The following FRMD3 variants were observed in gnomAD, a reference collection of about 807,000 sequenced individuals.
The protein encoded by FRMD3 is FERM domain-containing protein 3.
Under a neutral mutation model 70.2 loss-of-function variants are expected in FRMD3, and 33 were observed. The observed-to-expected ratio is 0.47, with a 90% CI of 0.36 to 0.63. FRMD3 has a LOEUF of 0.63. FRMD3 is among the 20% of genes least tolerant of loss of function. The pLI is 0.00. For missense variants in FRMD3, 632 were observed against 711.4 expected (o/e 0.89, Z 1.27); for synonymous variants, 279 against 255.9 (o/e 1.09, Z -0.86).
chr9:83,250,636 T>C (rs1832361485), intron 13 of FRMD3, among the ~76,000 whole-genome samples: 2 of 152,170 alleles, frequency 1.3e-5, no homozygotes, highest in African/African-American at 4.8e-5. Flanking sequence ...GGCTACCATC[T>C]ATGCAGCTTA....
intron 1 of FRMD3, among the ~76,000 whole-genome samples, chr9:83,495,528 G>T (rs887883779): frequency 1.3e-4 from 20 of 152,174 alleles, no homozygotes; most frequent in Admixed American, 1.3e-3. Context: ...AATAGAAAGG[G>T]GGTAGCTGTC....
intron 2 of FRMD3, among the ~76,000 whole-genome samples, chr9:83,386,486 C>T (rs1413118071): frequency 2.0e-5 from 3 of 152,120 alleles, no homozygotes; most frequent in Non-Finnish European, 4.4e-5. Flanking sequence ...GAACAATAAA[C>T]AACCTAAAGA....
At chr9:83,451,372 G>C (rs1000907744) in intron 1 of FRMD3, among the ~76,000 whole-genome samples, 30 of 132,084 alleles carry the variant, frequency 2.3e-4, no homozygotes, top group African/African-American at 8.4e-4. Flanking sequence ...ACACACACAA[G>C]CACACAAATA....
intron 1 of FRMD3, among the ~76,000 whole-genome samples, chr9:83,495,340 G>A (rs553136013): frequency 2.0e-5 from 3 of 152,196 alleles, no homozygotes; most frequent in African/African-American, 4.8e-5. Flanking sequence ...ACTGACCACC[G>A]CATTGAAGAA....
At chr9:83,584,535 T>G in the FRMD3 span, among the ~76,000 whole-genome samples, 1,609 of 152,254 alleles carry the variant, frequency 0.011, 40 homozygotes, top group African/African-American at 0.037. Flanking sequence ...GTATTGTCAC[T>G]CCATCTCTCA....
At chr9:83,496,237 TAAATA>T (rs746190675) in intron 1 of FRMD3, among the ~76,000 whole-genome samples, 1 of 152,148 alleles carries the variant, frequency 6.6e-6, no homozygotes, top group Non-Finnish European at 1.5e-5. Flanking sequence ...AAATACTAAA[TAAATA>T]ACTGTATAAA....
At chr9:83,357,833 C>T (rs1048676034) in intron 3 of FRMD3, among the ~76,000 whole-genome samples, 2 of 152,034 alleles carry the variant, frequency 1.3e-5, no homozygotes, top group Admixed American at 1.3e-4. Flanking sequence ...AGTCCTTTGT[C>T]AAATGTATAG....
chr9:83,507,004 T>A (rs1322509128), intron 1 of FRMD3, among the ~76,000 whole-genome samples: 1 of 152,184 alleles, frequency 6.6e-6, no homozygotes, highest in African/African-American at 2.4e-5. Context: ...TGCACCTCCA[T>A]ATTTTATCCC....
chr9:83,416,699 T>C (rs1266265067), intron 1 of FRMD3, among the ~76,000 whole-genome samples: 2 of 151,230 alleles, frequency 1.3e-5, no homozygotes, highest in Admixed American at 6.6e-5. Context: ...GTAAGTCCAC[T>C]TGTGATACAA....
At chr9:83,463,124 T>C (rs1353369273) in intron 1 of FRMD3, among the ~76,000 whole-genome samples, 1 of 152,090 alleles carries the variant, frequency 6.6e-6, no homozygotes, top group Non-Finnish European at 1.5e-5. Context: ...AATACCAGAA[T>C]GGGGGGACTC....
intron 2 of FRMD3, among the ~76,000 whole-genome samples, chr9:83,376,820 A>C (rs895154434): frequency 2.6e-5 from 4 of 152,032 alleles, no homozygotes; most frequent in African/African-American, 4.8e-5. Context: ...TATATTTTGC[A>C]AAGCTTGGTT....
rs767841778 is a variant in FRMD3 at position 83,247,972 on chromosome 9, C to T, written c.1740G>A (p.Lys580=). 3.1e-6 allele frequency: 5 copies of T among 1,614,060 alleles called. No individual in the cohort carries two copies. The highest frequency in any genetic ancestry group is 4.2e-6 in the Non-Finnish European group (5 of 1,180,052). ...GGTGGACTTTCCCAGCCACCCACTC[C>T]TTGAGGGGACAGTAGTATTCATAGT... ...QFHYEYYCPL[K]EWVAGKVHLI... The change falls in exon 14 of 14, where the codon AAG becomes AAA. Residue 580 remains lysine, a synonymous_variant. Transcript: ENST00000304195.
At chr9:83,266,933 C>T (rs1833284863) in intron 13 of FRMD3, 1 of 1,435,892 alleles carries the variant, frequency 7.0e-7, no homozygotes, top group Non-Finnish European at 9.5e-7. Flanking sequence ...CCCTGGGCCT[C>T]TCTCCACCAG....
At chr9:83,486,852 C>T (rs1828700678) in intron 1 of FRMD3, among the ~76,000 whole-genome samples, 2 of 152,152 alleles carry the variant, frequency 1.3e-5, no homozygotes, top group Non-Finnish European at 2.9e-5. Flanking sequence ...ACATATACCC[C>T]ACTAAGTCCT....
chr9:83,245,988 G>A lies in FRMD3; in HGVS notation c.*1930C>T, dbSNP rs1432178000. 5.1e-6 allele frequency: 5 copies of A among 984,210 alleles called. No individual in the cohort carries two copies. The highest frequency in any genetic ancestry group is 6.2e-5 in the Admixed American group (1 of 16,256). 61.0% of individuals were successfully genotyped at this position (984,210 alleles called of 1,614,324 possible). On this transcript the variant is annotated 3_prime_UTR_variant, in exon 14 of 14. Transcript: ENST00000304195. ...TAAAAAGCAAAATAAATCACTGAAA[G>A]CATATAGGAAAGGAAACCCCTCAAA...
chr9:83,342,189 C>T (rs953282087), intron 5 of FRMD3, among the ~76,000 whole-genome samples: 4 of 152,160 alleles, frequency 2.6e-5, no homozygotes, highest in African/African-American at 9.7e-5. Flanking sequence ...AACAGAACAC[C>T]TGAGCCATTT....
intron 1 of FRMD3, among the ~76,000 whole-genome samples, chr9:83,492,463 T>C (rs537991755): frequency 6.8e-4 from 104 of 152,334 alleles, no homozygotes; most frequent in Middle Eastern, 3.4e-3. Flanking sequence ...CCACCCAGGA[T>C]GGTCGCAGCA....
intron 1 of FRMD3, among the ~76,000 whole-genome samples, chr9:83,413,736 ATAT>A (rs1826344428): frequency 6.6e-6 from 1 of 152,144 alleles, no homozygotes; most frequent in African/African-American, 2.4e-5. Flanking sequence ...ATAAATCTTA[ATAT>A]TGTAGCTTTT....
At chr9:83,367,230 C>G (rs1337279728) in intron 3 of FRMD3, among the ~76,000 whole-genome samples, 1 of 152,118 alleles carries the variant, frequency 6.6e-6, no homozygotes, top group Non-Finnish European at 1.5e-5. Context: ...CACATTTGTA[C>G]CTATGGACAT....
Sources: allele counts gnomAD v4.1 joint callset (sites outside exome capture counted in the v4.1 genomes callset), GRCh38; gene constraint gnomAD v4.1.1; transcripts MANE v1.5; gene names NCBI Gene and HGNC (gene_info 2026-07-23, HGNC 2026-07-21).